The following RAB23 variants were observed in gnomAD, a reference collection of about 807,000 sequenced individuals.
RAB23 encodes the protein ras-related protein Rab-23.
In RAB23, 15 loss-of-function variants were observed where a neutral mutation model predicts 30.0. That is an observed-to-expected ratio of 0.50 (90% CI 0.33 to 0.77). The LOEUF is 0.77. Among genes scored for constraint, RAB23 ranks in the 30% least tolerant of loss-of-function variants. The pLI is 0.02. For missense variants in RAB23, 243 were observed against 275.4 expected (o/e 0.88, Z 0.83); for synonymous variants, 93 against 94.0 (o/e 0.99, Z 0.06).
At chr6:57,191,780 C>T (rs1294688238) in intron 6 of RAB23, among the ~76,000 whole-genome samples, 2 of 152,118 alleles carry the variant, frequency 1.3e-5, no homozygotes, top group Admixed American at 6.6e-5. Context: ...TTACTAACTT[C>T]ACATCATATC....
Position 57,210,235 on chromosome 6 carries a change from C to A in RAB23, c.146G>T (p.Arg49Leu). ...ATGGCCAAGTACTTACTGAATTTGTCGCTCCAAAAAATCAACTCCAATGGT... is the reference window on the plus strand; with the variant it reads ...ATGGCCAAGTACTTACTGAATTTGTAGCTCCAAAAAATCAACTCCAATGGT... ...KKTIGVDFLE[R>L]QIQVNDEDVR... is the part of the protein sequence containing the mutation. Residue 49 changes from arginine to leucine, a missense_variant, in exon 2 of 7, where the codon CGA (arginine) becomes CTA (leucine). Coordinates refer to ENST00000468148, the MANE Select transcript of RAB23 (RefSeq NM_016277.5). The A allele has an allele frequency of 1.2e-6, 2 of 1,613,874 alleles. No individual in the cohort carries two copies. The highest frequency in any genetic ancestry group is 8.5e-7 in the Non-Finnish European group (1 of 1,179,830).
intron 1 of RAB23, among the ~76,000 whole-genome samples, chr6:57,218,049 C>G (rs1413502306): frequency 6.6e-6 from 1 of 152,080 alleles, no homozygotes; most frequent in African/African-American, 2.4e-5. Context: ...CATTTGAATA[C>G]CCCTATAACT....
intron 1 of RAB23, among the ~76,000 whole-genome samples, chr6:57,217,636 GCTTA>G (rs1483405127): frequency 6.6e-6 from 1 of 152,036 alleles, no homozygotes; most frequent in Non-Finnish European, 1.5e-5. Flanking sequence ...AGCGCTAAAT[GCTTA>G]CTTTGAAAAG....
In RAB23 at chr6:57,188,407, G is replaced by GTAAC. The variant is rs920623820; in HGVS notation, c.*2050_*2053dup. 6 of 152,140 alleles carry GTAAC rather than the reference G, an allele frequency of 3.9e-5. No individual in the cohort carries two copies. The highest frequency in any genetic ancestry group is 5.9e-5 in the Non-Finnish European group (4 of 68,006). The allele number at this position is 152,140 out of a possible 1,614,324, so 9.4% of individuals were successfully genotyped here. On this transcript the variant is annotated 3_prime_UTR_variant, in exon 7 of 7. Transcript: ENST00000468148. The stretch of plus-strand genomic sequence containing the variant: ...TACATAAAATTATATTACAGGAACT[G>GTAAC]TAACTATCCTCAGAGATTACTTTTT...
chr6:57,200,352 C>T (rs979389491), intron 3 of RAB23, among the ~76,000 whole-genome samples: 3 of 151,672 alleles, frequency 2.0e-5, no homozygotes, highest in South Asian at 4.2e-4. Context: ...GCCTGGCCAA[C>T]ATAGTGAAAC....
At chr6:57,196,014 T>C (rs1036157620) in intron 4 of RAB23, among the ~76,000 whole-genome samples, 1 of 152,326 alleles carries the variant, frequency 6.6e-6, no homozygotes, top group African/African-American at 2.4e-5. Context: ...TTCACAAATT[T>C]GAGCATAAGA....
At chr6:57,210,094 T>A in intron 2 of RAB23, 132 bp downstream of exon 2, 1 of 880,404 alleles carries the variant, frequency 1.1e-6, no homozygotes, top group South Asian at 1.4e-5. Flanking sequence ...AAAACCACCA[T>A]CACTGTCGCA....
chr6:57,196,565 C>T lies in RAB23; in HGVS notation c.283G>A (p.Glu95Lys). The change falls in exon 4 of 7, where the codon GAA (glutamate) becomes AAA (lysine). Residue 95 changes from glutamate (E) to lysine (K), a missense_variant. Coordinates refer to ENST00000468148, the MANE Select transcript of RAB23 (RefSeq NM_016277.5). ...CAACTGGAAACTGCTTCAAAAGATTCCCTATCTGTGGTAGAGAACACGAGC... is the reference window on the plus strand; with the variant it reads ...CAACTGGAAACTGCTTCAAAAGATTTCCTATCTGTGGTAGAGAACACGAGC... ...CVLVFSTTDRESFEAVSSWRE... is the reference protein window; with the variant it reads ...CVLVFSTTDRKSFEAVSSWRE... 1.2e-6 allele frequency: 2 copies of T among 1,613,968 alleles called. No individual in the cohort carries two copies. Among genetic ancestry groups the T allele is most frequent in the South Asian group, 2.2e-5 (2 of 91,074 alleles).
Position 57,188,864 on chromosome 6 carries a change from C to A in RAB23, c.*1597G>T, listed in dbSNP as rs1013716388. The A allele has an allele frequency of 1.3e-5, 2 of 151,908 alleles. No individual in the cohort carries two copies. The highest frequency in any genetic ancestry group is 2.4e-5 in the African/African-American group (1 of 41,354). The allele number at this position is 151,908 out of a possible 1,614,324, so 9.4% of individuals were successfully genotyped here. A position where few individuals can be genotyped will look rare whatever the true frequency, so the allele number is the denominator to read the frequency against. Reference sequence around the variant, plus strand: ...TTTGATCACTTAACAAGGACACACCCAGGAAATTTGATTTTCTCAACATTA... The same window carrying A: ...TTTGATCACTTAACAAGGACACACCAAGGAAATTTGATTTTCTCAACATTA... On this transcript the variant is annotated 3_prime_UTR_variant, in exon 7 of 7. Coordinates refer to ENST00000468148, the MANE Select transcript of RAB23 (RefSeq NM_016277.5).
intron 1 of RAB23, among the ~76,000 whole-genome samples, chr6:57,216,150 G>A (rs1765827280): frequency 6.6e-6 from 1 of 152,184 alleles, no homozygotes; most frequent in Admixed American, 6.5e-5. Context: ...CAGCGTACAG[G>A]TTTGTGGCTT....
chr6:57,207,864 G>GC (rs1765505402), intron 2 of RAB23, 151 bp from the exon 3 acceptor site: 1 of 607,978 alleles, frequency 1.6e-6, no homozygotes, highest in Non-Finnish European at 2.9e-6. Context: ...CCTACTGGGG[G>GC]TTACATCCTG....
chr6:57,217,674 C>T (rs889184417), intron 1 of RAB23, among the ~76,000 whole-genome samples: 6 of 152,040 alleles, frequency 3.9e-5, no homozygotes, highest in African/African-American at 1.4e-4. Flanking sequence ...ACTCAATAAT[C>T]TAAGCACTCA....
At chr6:57,201,042 C>G (rs1765233525) in intron 3 of RAB23, among the ~76,000 whole-genome samples, 1 of 151,806 alleles carries the variant, frequency 6.6e-6, no homozygotes, top group South Asian at 2.1e-4. Context: ...AGCCCCTTCT[C>G]CTCTGAAGCA....
rs1288532968 is a variant in RAB23, at chr6:57,193,853, C to G, written c.563G>C (p.Ser188Thr). The G allele has an allele frequency of 1.2e-6, 2 of 1,612,782 alleles. No individual in the cohort carries two copies. The highest frequency in any genetic ancestry group is 8.5e-7 in the Non-Finnish European group (1 of 1,179,240). Residue 188 changes from serine to threonine, a missense_variant, in exon 6 of 7, where the codon AGT (serine) becomes ACT (threonine). By Grantham distance (58) the Ser-to-Thr change is moderately conservative. Coordinates refer to ENST00000468148, the MANE Select transcript of RAB23 (RefSeq NM_016277.5). ...AEDPELTHSS[S>T]NKIGVFNTSG... ...TCCTATGTACTTACCAATCTTGTTA[C>G]TACTTGAATGCGTTAGTTCTGGATC...
In RAB23 at chr6:57,188,887, T is replaced by C. The variant is rs1281044936; in HGVS notation, c.*1574A>G. ...CCCAGGAAATTTGATTTTCTCAACA[T>C]TAGGAGGATGAGGGGAGTACAGATG... On this transcript the variant is annotated 3_prime_UTR_variant, in exon 7 of 7. Transcript: ENST00000468148. The C allele has an allele frequency of 6.6e-6, 1 of 151,996 alleles. No homozygotes were observed. Among genetic ancestry groups the C allele is most frequent in the Non-Finnish European group, 1.5e-5 (1 of 67,958 alleles). 9.4% of individuals were successfully genotyped at this position (151,996 alleles called of 1,614,324 possible).
intron 3 of RAB23, among the ~76,000 whole-genome samples, chr6:57,198,369 C>T (rs1765105979): frequency 6.6e-6 from 1 of 152,102 alleles, no homozygotes; most frequent in Admixed American, 6.6e-5. Context: ...AAAAAATTAG[C>T]TGGGTGTGGT....
chr6:57,193,664 A>G (rs1764919490), intron 6 of RAB23, among the ~76,000 whole-genome samples, 178 bp downstream of exon 6: 1 of 152,178 alleles, frequency 6.6e-6, no homozygotes, highest in Non-Finnish European at 1.5e-5. Flanking sequence ...ATAAAATTCA[A>G]TGGCAAAAAA....
chr6:57,198,447 G>A (rs1477477670), intron 3 of RAB23, among the ~76,000 whole-genome samples: 1 of 152,060 alleles, frequency 6.6e-6, no homozygotes, highest in African/African-American at 2.4e-5. Context: ...CCGGGAGGTG[G>A]AGCTTGCAGT....
At position 57,189,960 on chromosome 6, in the gene RAB23, A is replaced by G. The variant is rs1764772729; in HGVS notation, c.*501T>C. On this transcript the variant is annotated 3_prime_UTR_variant, in exon 7 of 7. Transcript: ENST00000468148. The stretch of plus-strand genomic sequence containing the variant: ...ACATTCTACATTACACAGATATTGC[A>G]CAAGTTTCAATGCCAAAATACTAAT... 1 of 190,970 alleles carries G rather than the reference A, an allele frequency of 5.2e-6. No individual in the cohort carries two copies. Among genetic ancestry groups the G allele is most frequent in the Admixed American group, 5.3e-5 (1 of 18,730 alleles). 11.8% of individuals were successfully genotyped at this position (190,970 alleles called of 1,614,324 possible).
Sources: gnomAD v4.1 joint callset for allele counts (sites outside exome capture counted in the v4.1 genomes callset) on GRCh38, gnomAD v4.1.1 for gene constraint, MANE v1.5 for transcripts, NCBI Gene and HGNC (gene_info 2026-07-23, HGNC 2026-07-21) for gene names.